Variants in WSCD2 observed in about 807,000 individuals in gnomAD.
WSCD2 encodes WSC domain sialate O sulfotransferase 2, also known as sialate:O-sulfotransferase 2.
Under a neutral mutation model 55.7 loss-of-function variants are expected in WSCD2, and 28 were observed. The observed-to-expected ratio is 0.50, with a 90% confidence interval of 0.37 to 0.69. The LOEUF (loss-of-function observed/expected upper bound fraction) is 0.69. Ranked by LOEUF, WSCD2 falls within the 30% of genes least tolerant of loss-of-function variation. WSCD2 has a pLI of 0.00. For synonymous variants in WSCD2, 301 were observed against 301.9 expected (o/e 1.00, Z 0.03); for missense variants, 616 against 762.1 (o/e 0.81, Z 2.26).
chr12:108,192,318 C>T (rs988356269), intron 1 of WSCD2, among the ~76,000 whole-genome samples: 1 of 152,178 alleles, frequency 6.6e-6, no homozygotes, highest in Non-Finnish European at 1.5e-5. Flanking sequence ...CTGAGTCTTG[C>T]TGAGAAGGGA....
At chr12:108,194,774 C>G (rs1224120888) in intron 1 of WSCD2, among the ~76,000 whole-genome samples, 1 of 152,104 alleles carries the variant, frequency 6.6e-6, no homozygotes, top group African/African-American at 2.4e-5. Context: ...TTGCCTCTGC[C>G]GCTCACAGCT....
intron 8 of WSCD2, 24 bp from the exon 9 acceptor site, chr12:108,247,967 G>A (rs780638958): frequency 6.2e-7 from 1 of 1,600,190 alleles, no homozygotes; most frequent in Non-Finnish European, 8.5e-7. Context: ...CCCTCTGACT[G>A]TGTCCTTTCT....
intron 1 of WSCD2, among the ~76,000 whole-genome samples, chr12:108,176,011 TTG>T (rs1467802024): frequency 1.3e-5 from 2 of 152,096 alleles, no homozygotes; most frequent in Non-Finnish European, 2.9e-5. Context: ...GGCTAATTTT[TTG>T]TGTTTTTGGT....
intron 1 of WSCD2, among the ~76,000 whole-genome samples, chr12:108,163,243 C>T (rs1288506821): frequency 6.6e-6 from 1 of 152,162 alleles, no homozygotes; most frequent in Non-Finnish European, 1.5e-5. Flanking sequence ...GTGGCGGGCA[C>T]CTGTAGTCCC....
chr12:108,150,677 A>G (rs1031943498), intron 1 of WSCD2, among the ~76,000 whole-genome samples: 8 of 152,164 alleles, frequency 5.3e-5, no homozygotes, highest in Non-Finnish European at 1.2e-4. Flanking sequence ...GTCGGTGCTC[A>G]GTGTATGCTT....
rs535109076 is a variant in WSCD2, at chr12:108,144,060, AT to A, written c.-552+14145del. Among the ~76,000 whole-genome samples, 1,003 of 148,224 alleles carry A rather than the reference AT, an allele frequency of 6.8e-3. 3 individuals are homozygous for A. Among genetic ancestry groups the A allele is most frequent in the Admixed American group, 0.014 (201 of 14,856 alleles). On this transcript the variant is annotated intron_variant, in intron 1 of 8. Coordinates refer to ENST00000547525, the MANE Select transcript of WSCD2 (RefSeq NM_014653.4). ...TGCCCAGGATGGTCCACATATCTTG[AT>A]TTTTTTTTTTCCAAGAGAATTCCAC...
chr12:108,188,518 T>C (rs1394509032), intron 1 of WSCD2, among the ~76,000 whole-genome samples: 1 of 152,100 alleles, frequency 6.6e-6, no homozygotes, highest in Non-Finnish European at 1.5e-5. Flanking sequence ...AAGCCTTCCC[T>C]AGGGTTAGCT....
intron 1 of WSCD2, among the ~76,000 whole-genome samples, chr12:108,178,442 G>A (rs1881192032): frequency 6.6e-6 from 1 of 152,120 alleles, no homozygotes; most frequent in Non-Finnish European, 1.5e-5. Context: ...GCCTTTGCCT[G>A]ACCCTTCAAA....
At chr12:108,175,853 T>A (rs1291027738) in intron 1 of WSCD2, among the ~76,000 whole-genome samples, 2 of 152,220 alleles carry the variant, frequency 1.3e-5, no homozygotes, top group African/African-American at 4.8e-5. Flanking sequence ...CTTTTCTTTT[T>A]TTTTGAGACA....
chr12:108,245,664 G>C lies in WSCD2; in HGVS notation c.1346-2327G>C, dbSNP rs566778803. Among the ~76,000 whole-genome samples the C allele has an allele frequency of 2.6e-5, 4 of 152,330 alleles. No individual in the cohort carries two copies. In the South Asian group the frequency reaches 8.3e-4, roughly 32 times the overall value. On this transcript the variant is annotated intron_variant, in intron 8 of 8. Transcript: ENST00000547525. Reference sequence around the variant, plus strand: ...TCTCTATCACCTGGGCATCTCCCCTGAGAGTAGCAGCTGTTCTGAATCACC... The same window carrying C: ...TCTCTATCACCTGGGCATCTCCCCTCAGAGTAGCAGCTGTTCTGAATCACC...
intron 5 of WSCD2, among the ~76,000 whole-genome samples, chr12:108,226,628 G>A (rs892490043): frequency 2.0e-5 from 3 of 152,160 alleles, no homozygotes; most frequent in Non-Finnish European, 4.4e-5. Context: ...GAGTGCCTAG[G>A]TAGAATTTCA....
At chr12:108,176,951 T>C (rs1880958704) in intron 1 of WSCD2, among the ~76,000 whole-genome samples, 2 of 152,208 alleles carry the variant, frequency 1.3e-5, no homozygotes, top group Admixed American at 6.5e-5. Context: ...TGGCATCTCA[T>C]TGTGATTTTA....
chr12:108,215,921 T>A (rs66533522), intron 4 of WSCD2, among the ~76,000 whole-genome samples: 18,169 of 152,266 alleles, frequency 0.12, 1,436 homozygotes, highest in Non-Finnish European at 0.18. Context: ...TGCTTCTTGC[T>A]AGTAAAAAGC....
intron 5 of WSCD2, 95 bp from the exon 6 acceptor site, chr12:108,226,895 G>C: frequency 1.4e-6 from 2 of 1,403,710 alleles, no homozygotes; most frequent in East Asian, 4.7e-5. Flanking sequence ...AGAGAAGACA[G>C]TGGTTGAAAT....
chr12:108,134,237 C>G (rs1020022607), intron 1 of WSCD2, among the ~76,000 whole-genome samples: 8 of 152,152 alleles, frequency 5.3e-5, no homozygotes, highest in African/African-American at 1.9e-4. Flanking sequence ...CATTTCCTCC[C>G]TCCTCCCTGT....
intron 4 of WSCD2, among the ~76,000 whole-genome samples, chr12:108,215,743 G>C (rs1016031837): frequency 2.6e-5 from 4 of 152,134 alleles, no homozygotes; most frequent in Admixed American, 6.5e-5. Context: ...TTCAAACCAA[G>C]GAGAACTCTT....
intron 1 of WSCD2, among the ~76,000 whole-genome samples, chr12:108,135,684 A>G (rs1425277353): frequency 2.0e-5 from 3 of 152,196 alleles, no homozygotes; most frequent in African/African-American, 7.2e-5. Context: ...CAGTGCGAAA[A>G]CTGGAAGAGT....
intron 1 of WSCD2, 140 bp downstream of exon 1, chr12:108,130,066 G>C (rs1410241271): frequency 6.6e-6 from 1 of 152,438 alleles, no homozygotes; most frequent in South Asian, 2.1e-4. Context: ...TCGTCGTCCA[G>C]AGCCCGGCGA....
intron 1 of WSCD2, among the ~76,000 whole-genome samples, chr12:108,156,360 A>G (rs534618494): frequency 3.3e-5 from 5 of 152,352 alleles, no homozygotes; most frequent in Admixed American, 2.6e-4. Context: ...TTAGCTCAGC[A>G]CATAGTAAGC....
Sources: allele counts gnomAD v4.1 joint callset (sites outside exome capture counted in the v4.1 genomes callset), GRCh38; gene constraint gnomAD v4.1.1; transcripts MANE v1.5; gene names NCBI Gene and HGNC (gene_info 2026-07-23, HGNC 2026-07-21).